The following KCTD20 variants were observed in gnomAD, a reference collection of about 807,000 sequenced individuals.
The protein encoded by KCTD20 is potassium channel tetramerization domain containing 20.
In KCTD20, 30 loss-of-function variants were observed where a neutral mutation model predicts 39.6. That is an observed-to-expected ratio of 0.76 (90% CI 0.57 to 1.03). The LOEUF (loss-of-function observed/expected upper bound fraction) is 1.03. Among genes scored for constraint, KCTD20 ranks in the 50% least tolerant of loss-of-function variants. KCTD20 has a pLI of 0.00. For missense variants in KCTD20, 422 were observed against 522.0 expected (o/e 0.81, Z 1.87); for synonymous variants, 162 against 180.6 (o/e 0.90, Z 0.83).
chr6:36,486,615 T>C (rs1776431087), intron 7 of KCTD20, among the ~76,000 whole-genome samples: 1 of 152,214 alleles, frequency 6.6e-6, no homozygotes, highest in Non-Finnish European at 1.5e-5. Flanking sequence ...GGTAAGAGGC[T>C]TCTCTCCTCT....
intron 1 of KCTD20, among the ~76,000 whole-genome samples, chr6:36,460,723 T>C (rs754757141): frequency 6.6e-6 from 1 of 152,162 alleles, no homozygotes; most frequent in Non-Finnish European, 1.5e-5. Flanking sequence ...ATGTGCCCAT[T>C]ATCAGCACAG....
intron 2 of KCTD20, among the ~76,000 whole-genome samples, 185 bp from the exon 3 acceptor site, chr6:36,474,604 T>C (rs1030206283): frequency 2.6e-5 from 4 of 152,184 alleles, no homozygotes; most frequent in Non-Finnish European, 5.9e-5. Flanking sequence ...AGATCCAATA[T>C]AAGTCTCTAG....
chr6:36,453,591 C>T (rs1205926475), intron 1 of KCTD20, among the ~76,000 whole-genome samples: 8 of 151,074 alleles, frequency 5.3e-5, no homozygotes, highest in African/African-American at 1.7e-4. Flanking sequence ...CTTGGCCCAC[C>T]GCAACCTCTG....
At chr6:36,486,609 A>G (rs977092737) in intron 7 of KCTD20, among the ~76,000 whole-genome samples, 4 of 152,212 alleles carry the variant, frequency 2.6e-5, no homozygotes, top group African/African-American at 9.6e-5. Context: ...TGAACTGGTA[A>G]GAGGCTTCTC....
chr6:36,485,325 AAAG>A (rs1322330253), intron 7 of KCTD20, among the ~76,000 whole-genome samples: 2 of 152,226 alleles, frequency 1.3e-5, no homozygotes, highest in South Asian at 2.1e-4. Flanking sequence ...AAAAAAAAAA[AAAG>A]ATTATTCCAT....
At chr6:36,452,081 G>T (rs553708949) in intron 1 of KCTD20, among the ~76,000 whole-genome samples, 1 of 152,192 alleles carries the variant, frequency 6.6e-6, no homozygotes, top group Non-Finnish European at 1.5e-5. Flanking sequence ...AAAGTGCTGG[G>T]ATTACAGGTG....
chr6:36,475,104 A>T, intron 3 of KCTD20, 42 bp downstream of exon 3: 1 of 1,565,880 alleles, frequency 6.4e-7, no homozygotes, highest in Non-Finnish European at 8.7e-7. Context: ...TCTGTTCTCT[A>T]TAAATAAAAA....
chr6:36,477,481 C>CTTT (rs760205169), intron 3 of KCTD20, among the ~76,000 whole-genome samples: 5 of 130,926 alleles, frequency 3.8e-5, no homozygotes, highest in African/African-American at 1.1e-4. Flanking sequence ...ATTTTCTTTT[C>CTTT]TTTTTTTTTT....
At chr6:36,470,015 T>C in intron 1 of KCTD20, 37 bp from the exon 2 acceptor site, 1 of 1,242,036 alleles carries the variant, frequency 8.1e-7, no homozygotes, top group Non-Finnish European at 1.1e-6. Context: ...GAAATCTGTT[T>C]TGTGAGTTCT....
intron 7 of KCTD20, among the ~76,000 whole-genome samples, chr6:36,485,136 A>G (rs998605718): frequency 2.0e-5 from 3 of 152,112 alleles, no homozygotes; most frequent in South Asian, 4.1e-4. Context: ...TCGTTCTGCC[A>G]CCAGTCTTGG....
chr6:36,479,847 A>C, intron 5 of KCTD20, 136 bp downstream of exon 5: 1 of 702,906 alleles, frequency 1.4e-6, no homozygotes, highest in Non-Finnish European at 2.1e-6. Context: ...GCTGGAGTGC[A>C]GTGGCACGAT....
Position 36,483,873 on chromosome 6 carries a change from A to AC in KCTD20, c.857-841_857-840insC, listed in dbSNP as rs568672546. ...TTGCTACTTTCTTAGTAAGTAAAAA[A>AC]AAACGGCAGAATCTCATGATTGGCA... On this transcript the variant is annotated intron_variant, in intron 6 of 7. Coordinates refer to ENST00000373731, the MANE Select transcript of KCTD20 (RefSeq NM_173562.5). Among the ~76,000 whole-genome samples the AC allele has an allele frequency of 2.8e-4, 42 of 152,208 alleles. No homozygotes were observed. In the East Asian group the frequency reaches 7.7e-3, roughly 28 times the overall value.
chr6:36,475,157 T>C lies in KCTD20; in HGVS notation c.434+95T>C, dbSNP rs1776027338. ...GCATTAGATATAACAGTAAAAAGTA[T>C]TGTATAGGTTGGGCGCGGTGGCTCA... is the stretch of plus-strand genomic sequence containing the variant. On this transcript the variant is annotated intron_variant, in intron 3 of 7. Coordinates refer to ENST00000373731, the MANE Select transcript of KCTD20 (RefSeq NM_173562.5). 3.7e-6 allele frequency: 5 copies of C among 1,369,620 alleles called. No individual in the cohort carries two copies. The East Asian group carries it at 7.0e-5, about 19-fold the overall frequency. The allele number at this position is 1,369,620 out of a possible 1,614,324, so 84.8% of individuals were successfully genotyped here.
At chr6:36,463,010 T>C (rs1455131152) in intron 1 of KCTD20, among the ~76,000 whole-genome samples, 1 of 152,262 alleles carries the variant, frequency 6.6e-6, no homozygotes, top group Non-Finnish European at 1.5e-5. Context: ...TGTACAATTA[T>C]CTAAGCTGTG....
At chr6:36,464,957 G>A (rs963918773) in intron 1 of KCTD20, among the ~76,000 whole-genome samples, 2 of 152,048 alleles carry the variant, frequency 1.3e-5, no homozygotes, top group South Asian at 2.1e-4. Context: ...GTGGAGATAC[G>A]GTCCTAAGTA....
Position 36,473,878 on chromosome 6 carries a change from C to G in KCTD20, c.161-911C>G, listed in dbSNP as rs567073349. 3.3e-5 allele frequency among the ~76,000 whole-genome samples: 5 copies of G among 152,192 alleles called. No homozygotes were observed. The South Asian group carries it at 8.3e-4, about 25-fold the overall frequency. On this transcript the variant is annotated intron_variant, in intron 2 of 7. Transcript: ENST00000373731. ...AAGAAACAGATTTCATGAATGAATC[C>G]TAATGCCATTTGCACTGGAACTTTT...
chr6:36,463,925 C>G (rs1775670129), intron 1 of KCTD20, among the ~76,000 whole-genome samples: 1 of 152,106 alleles, frequency 6.6e-6, no homozygotes, highest in African/African-American at 2.4e-5. Context: ...TCTGAACATT[C>G]CTTTTTTATG....
chr6:36,482,040 TTTGAA>T (rs1423216384), intron 6 of KCTD20, among the ~76,000 whole-genome samples: 1 of 152,180 alleles, frequency 6.6e-6, no homozygotes, highest in Non-Finnish European at 1.5e-5. Context: ...TTTAAATCCT[TTTGAA>T]TTGGTAATAA....
At chr6:36,475,749 T>TTA (rs549771713) in intron 3 of KCTD20, among the ~76,000 whole-genome samples, 3 of 135,210 alleles carry the variant, frequency 2.2e-5, no homozygotes, top group Non-Finnish European at 4.6e-5. Context: ...GCTCCCTTTT[T>TTA]AAAAAAAAAA....
Sources: gnomAD v4.1 joint callset for allele counts (sites outside exome capture counted in the v4.1 genomes callset) on GRCh38, gnomAD v4.1.1 for gene constraint, MANE v1.5 for transcripts, NCBI Gene and HGNC (gene_info 2026-07-23, HGNC 2026-07-21) for gene names.